The following TAF1 variants were observed in gnomAD, a reference collection of about 807,000 sequenced individuals.
TAF1 encodes TATA-box binding protein associated factor 1, also known as transcription initiation factor TFIID subunit 1.
Under a neutral mutation model 138.5 loss-of-function variants are expected in TAF1, and 2 were observed. That is an observed-to-expected ratio of 0.01 (90% CI 0.01 to 0.05). The LOEUF is 0.05. Ranked by LOEUF, TAF1 falls within the 10% of genes least tolerant of loss-of-function variation. The pLI, the probability that TAF1 is intolerant of heterozygous loss-of-function variation, is 1.00. For synonymous variants in TAF1, 437 were observed against 503.2 expected (o/e 0.87, Z 1.76); for missense variants, 709 against 1,478.0 (o/e 0.48, Z 8.53).
intron 13 of TAF1, among the ~76,000 whole-genome samples, chrX:71,494,731 G>A (rs527464277): frequency 5.3e-4 from 60 of 112,221 alleles, no homozygotes; most frequent in South Asian, 1.1e-3. Flanking sequence ...GGACTTTCAC[G>A]GTGAGTGTTA....
intron 25 of TAF1, among the ~76,000 whole-genome samples, chrX:71,406,134 G>C (rs2035453742): frequency 4.6e-5 from 5 of 109,472 alleles, no homozygotes. Flanking sequence ...TTCGAGACCC[G>C]CCTGACCAAC....
At chrX:71,392,836 C>T in intron 19 of TAF1, 39 bp from the exon 20 acceptor site, 1 of 1,205,451 alleles carries the variant, frequency 8.3e-7, no homozygotes, top group Non-Finnish European at 1.1e-6. Context: ...AAAAGGAATT[C>T]AGGTTTTTAG....
At chrX:71,368,777 A>C (rs1167817672) in intron 3 of TAF1, 2 of 84,313 alleles carry the variant, frequency 2.4e-5, no homozygotes. Flanking sequence ...GTGCCACTGC[A>C]CTCCAGCCTG....
intron 22 of TAF1, among the ~76,000 whole-genome samples, chrX:71,394,817 C>T (rs2034756971): frequency 9.1e-6 from 1 of 110,059 alleles, no homozygotes; most frequent in Admixed American, 9.7e-5. Context: ...TTTTGTATTC[C>T]TCCTGCCTCA....
In TAF1 at chrX:71,520,501, T is replaced by G. The variant is rs551907135; in HGVS notation, c.1367-8041T>G. Among the ~76,000 whole-genome samples the G allele has an allele frequency of 3.1e-3, 313 of 99,538 alleles. 1 individual carries two copies. The highest frequency in any genetic ancestry group is 0.014 in the South Asian group (28 of 1,959). 86.4% of individuals were successfully genotyped at this position (99,538 alleles called of 115,157 possible). On this transcript the variant is annotated intron_variant and NMD_transcript_variant, in intron 13 of 14. Coordinates refer to the TAF1 transcript ENST00000373775. ...TTCAAGACCAGCCTGGCCAACATGGTGAAACCCCCGTCTCTACTAAAAATA... is the reference window on the plus strand; with the variant it reads ...TTCAAGACCAGCCTGGCCAACATGGGGAAACCCCCGTCTCTACTAAAAATA...
intron 1 of TAF1, 143 bp from the exon 2 acceptor site, chrX:71,367,356 C>T (rs1228501510): frequency 1.7e-5 from 11 of 666,131 alleles, no homozygotes; most frequent in Non-Finnish European, 1.2e-5. Flanking sequence ...TTACAGTTCT[C>T]GAACGTGTTG....
At chrX:71,497,332 A>G in intron 13 of TAF1, among the ~76,000 whole-genome samples, 1 of 111,848 alleles carries the variant, frequency 8.9e-6, no homozygotes, top group Non-Finnish European at 1.9e-5. Context: ...TTAGGGCCAC[A>G]CATGTGAGTA....
chrX:71,461,840 C>T lies in TAF1; in HGVS notation c.5399+1037C>T, dbSNP rs186393158. On this transcript the variant is annotated intron_variant, in intron 37 of 37. Coordinates refer to ENST00000423759, the MANE Select transcript of TAF1 (RefSeq NM_004606.5). ...TATGAAAAGTGCTATGCTAGGCAAC[C>T]GCAGGGTTTTTCTAGGACTTGGGTA... Among the ~76,000 whole-genome samples the T allele has an allele frequency of 1.2e-3, 133 of 111,197 alleles. 1 individual carries two copies. Among genetic ancestry groups the T allele is most frequent in the Admixed American group, 1.2e-3 (12 of 10,419 alleles).
At chrX:71,390,951 C>T (rs1238377687) in intron 18 of TAF1, among the ~76,000 whole-genome samples, 1 of 109,304 alleles carries the variant, frequency 9.1e-6, no homozygotes, top group Admixed American at 9.9e-5. Context: ...GCTGAGACCA[C>T]GCCATTGTAG....
At chrX:71,443,106 C>A (rs1457132065) in intron 32 of TAF1, among the ~76,000 whole-genome samples, 1 of 111,846 alleles carries the variant, frequency 8.9e-6, no homozygotes, top group Non-Finnish European at 1.9e-5. Context: ...ATGCCTCCAG[C>A]TTTGTTCTCT....
intron 20 of TAF1, 109 bp from the exon 21 acceptor site, chrX:71,393,192 C>G: frequency 9.1e-7 from 1 of 1,100,414 alleles, no homozygotes; most frequent in Non-Finnish European, 1.2e-6. Flanking sequence ...TAACTGTGTA[C>G]ATTGGCTTGT....
At chrX:71,484,312 A>G in intron 13 of TAF1, among the ~76,000 whole-genome samples, 1 of 110,176 alleles carries the variant, frequency 9.1e-6, no homozygotes, top group Non-Finnish European at 1.9e-5. Context: ...CTATGCATTT[A>G]ATTGTATCTG....
intron 28 of TAF1, among the ~76,000 whole-genome samples, chrX:71,415,128 CTTTTTTTTTTT>C (rs1158533765): frequency 3.9e-5 from 2 of 51,624 alleles, no homozygotes; most frequent in African/African-American, 8.0e-5. Context: ...AAAGTTTTGT[CTTTTTTTTTTT>C]TTTTTTTTTT....
chrX:71,417,990 C>T lies in TAF1; in HGVS notation c.4385-3319C>T, dbSNP rs2036117870. On this transcript the variant is annotated intron_variant, in intron 28 of 37. Coordinates refer to ENST00000423759, the MANE Select transcript of TAF1 (RefSeq NM_004606.5). ...ATATGGTCAATCTAGTATATATTTT[C>T]AGCTTTTGTATTATTTCATCCATAA... is the stretch of plus-strand genomic sequence containing the variant. 2.7e-5 allele frequency among the ~76,000 whole-genome samples: 3 copies of T among 112,171 alleles called. No homozygotes were observed. In the South Asian group the frequency reaches 1.1e-3, roughly 41 times the overall value.
At chrX:71,451,256 A>G (rs894599557) in intron 32 of TAF1, among the ~76,000 whole-genome samples, 4 of 112,003 alleles carry the variant, frequency 3.6e-5, no homozygotes, top group Non-Finnish European at 7.5e-5. Context: ...GGGGACCCAT[A>G]TAGTTAAGAA....
intron 8 of TAF1, 67 bp downstream of exon 8, chrX:71,379,098 A>C (rs1003083717): frequency 6.9e-6 from 5 of 719,958 alleles, no homozygotes; most frequent in African/African-American, 3.4e-5. Context: ...AAGTGGGCTC[A>C]GCTGTGATTT....
At chrX:71,515,520 T>C (rs1461789120) in intron 13 of TAF1, among the ~76,000 whole-genome samples, 2 of 112,063 alleles carry the variant, frequency 1.8e-5, no homozygotes, top group Non-Finnish European at 3.8e-5. Context: ...GAGGCAAGAA[T>C]TTCATACCTT....
chrX:71,519,324 A>G (rs1263709252), intron 13 of TAF1, among the ~76,000 whole-genome samples: 1 of 104,706 alleles, frequency 9.6e-6, no homozygotes, highest in Non-Finnish European at 2.0e-5. Flanking sequence ...CTCCGTCTCA[A>G]AAAAAAAAAA....
intron 13 of TAF1, among the ~76,000 whole-genome samples, chrX:71,472,152 C>T (rs1188426910): frequency 1.1e-4 from 12 of 111,702 alleles, no homozygotes; most frequent in Non-Finnish European, 2.1e-4. Flanking sequence ...TGTGCCACCA[C>T]GCCTGGCTAA....
Sources: allele counts gnomAD v4.1 joint callset (sites outside exome capture counted in the v4.1 genomes callset), GRCh38; gene constraint gnomAD v4.1.1; transcripts MANE v1.5; gene names NCBI Gene and HGNC (gene_info 2026-07-23, HGNC 2026-07-21).